Variants in SDK1 observed in about 807,000 individuals in gnomAD.
SDK1 encodes the protein protein sidekick-1.
Under a neutral mutation model 245.5 loss-of-function variants are expected in SDK1, and 157 were observed. The observed-to-expected ratio is 0.64, with a 90% CI of 0.56 to 0.73. SDK1 has a LOEUF of 0.73. SDK1 is among the 30% of genes least tolerant of loss of function. The pLI is 0.00. For synonymous variants in SDK1, 1,647 were observed against 1,278.5 expected (o/e 1.29, Z -6.15); for missense variants, 3,583 against 3,002.3 (o/e 1.19, Z -4.52).
chr7:3,384,820 A>G (rs1781570771), intron 1 of SDK1, among the ~76,000 whole-genome samples: 1 of 152,194 alleles, frequency 6.6e-6, no homozygotes, highest in African/African-American at 2.4e-5. Flanking sequence ...GTACACACAT[A>G]TATGTATGCT....
intron 22 of SDK1, among the ~76,000 whole-genome samples, chr7:4,109,138 G>T (rs888627810): frequency 6.6e-6 from 1 of 152,174 alleles, no homozygotes; most frequent in Non-Finnish European, 1.5e-5. Context: ...GTGCCTGCAG[G>T]TATCTGTTAA....
intron 4 of SDK1, among the ~76,000 whole-genome samples, chr7:3,816,004 A>T (rs1198938722): frequency 7.0e-6 from 1 of 143,536 alleles, no homozygotes; most frequent in African/African-American, 2.8e-5. Context: ...TACTGGGTAC[A>T]TAACGAAATG....
At chr7:3,324,984 A>T (rs752824853) in intron 1 of SDK1, among the ~76,000 whole-genome samples, 1 of 152,138 alleles carries the variant, frequency 6.6e-6, no homozygotes, top group Non-Finnish European at 1.5e-5. Flanking sequence ...CAAGCCACAT[A>T]TAGTGTGGTA....
In SDK1 at chr7:3,401,783, A is replaced by G. The variant is rs187052919; in HGVS notation, c.298+99899A>G. Among the ~76,000 whole-genome samples, 9 of 152,234 alleles carry G rather than the reference A, an allele frequency of 5.9e-5. No individual in the cohort carries two copies. In the East Asian group the frequency reaches 1.4e-3, roughly 23 times the overall value. On this transcript the variant is annotated intron_variant, in intron 1 of 44. Transcript: ENST00000404826. ...GTATGAATTACCCCTTAATTTTTCA[A>G]ATACTTAAACTGTTAACATCTGAAT...
intron 1 of SDK1, among the ~76,000 whole-genome samples, chr7:3,348,333 A>G (rs1258620296): frequency 2.0e-5 from 3 of 152,228 alleles, no homozygotes; most frequent in Admixed American, 6.5e-5. Context: ...GTAAGTGTGC[A>G]GTAAATGTGA....
At chr7:4,175,325 G>C (rs567980351) in intron 33 of SDK1, among the ~76,000 whole-genome samples, 136 of 152,362 alleles carry the variant, frequency 8.9e-4, no homozygotes, top group Non-Finnish European at 1.7e-3. Context: ...AAACAGCACA[G>C]TAGAAGGGCC....
chr7:4,038,748 G>A (rs576063347), intron 17 of SDK1, among the ~76,000 whole-genome samples: 1 of 152,312 alleles, frequency 6.6e-6, no homozygotes, highest in East Asian at 1.9e-4. Context: ...GTCTGACACA[G>A]TTGTGGTCCA....
chr7:4,158,897 A>G (rs1283427342), intron 31 of SDK1, among the ~76,000 whole-genome samples: 1 of 152,148 alleles, frequency 6.6e-6, no homozygotes, highest in African/African-American at 2.4e-5. Context: ...TTCACGAGCC[A>G]CTCTTTGACA....
chr7:4,186,637 G>A (rs1317813535), intron 35 of SDK1, among the ~76,000 whole-genome samples: 2 of 152,154 alleles, frequency 1.3e-5, no homozygotes, highest in East Asian at 3.9e-4. Flanking sequence ...CTGGGTTGGG[G>A]TGAATCAGGA....
chr7:3,392,242 T>G (rs1304258872), intron 1 of SDK1, among the ~76,000 whole-genome samples: 1 of 152,088 alleles, frequency 6.6e-6, no homozygotes, highest in Non-Finnish European at 1.5e-5. Flanking sequence ...AAATTCCACT[T>G]GTGACCAATG....
chr7:3,479,516 A>G (rs776436399), intron 1 of SDK1, among the ~76,000 whole-genome samples: 54 of 151,996 alleles, frequency 3.6e-4, no homozygotes, highest in Non-Finnish European at 6.2e-4. Flanking sequence ...TAAATTGTCA[A>G]TATATTTAAT....
intron 1 of SDK1, among the ~76,000 whole-genome samples, chr7:3,514,893 C>G (rs891865882): frequency 6.6e-6 from 1 of 152,216 alleles, no homozygotes; most frequent in Admixed American, 6.5e-5. Context: ...CTCTCTCTCT[C>G]TTTCTCTCTT....
intron 14 of SDK1, 128 bp downstream of exon 14, chr7:3,987,450 G>A (rs1041118667): frequency 1.0e-6 from 1 of 979,258 alleles, no homozygotes; most frequent in South Asian, 1.6e-5. Flanking sequence ...GCTTTACAGG[G>A]TTTCAAACAC....
chr7:4,038,862 T>G (rs1788399848), intron 17 of SDK1, among the ~76,000 whole-genome samples: 1 of 152,228 alleles, frequency 6.6e-6, no homozygotes, highest in South Asian at 2.1e-4. Flanking sequence ...GCTGGCATAA[T>G]TTGCCTGATG....
chr7:3,779,531 C>A (rs905389497), intron 4 of SDK1, among the ~76,000 whole-genome samples: 1 of 151,742 alleles, frequency 6.6e-6, no homozygotes, highest in Non-Finnish European at 1.5e-5. Flanking sequence ...ATTGGAAAAC[C>A]GTTTTCATAT....
chr7:4,099,160 C>A (rs542001191), intron 22 of SDK1, among the ~76,000 whole-genome samples: 4 of 152,024 alleles, frequency 2.6e-5, no homozygotes, highest in Admixed American at 6.6e-5. Context: ...ACATTCCAGG[C>A]ACAGAGAAGA....
chr7:3,509,327 C>T (rs565839617), intron 1 of SDK1, among the ~76,000 whole-genome samples: 5 of 152,168 alleles, frequency 3.3e-5, no homozygotes, highest in South Asian at 2.1e-4. Flanking sequence ...ATCCTGGAGC[C>T]GGAGCTGCTT....
chr7:3,850,276 T>C (rs1278356707), intron 5 of SDK1, among the ~76,000 whole-genome samples: 1 of 152,236 alleles, frequency 6.6e-6, no homozygotes, highest in African/African-American at 2.4e-5. Flanking sequence ...CAATGCTATG[T>C]ATCTCATGAG....
At chr7:3,310,270 G>C (rs905689547) in intron 1 of SDK1, among the ~76,000 whole-genome samples, 2 of 152,188 alleles carry the variant, frequency 1.3e-5, no homozygotes, top group Non-Finnish European at 2.9e-5. Context: ...GAAATGATCA[G>C]ATTTGTATTT....
Sources: allele counts gnomAD v4.1 joint callset (sites outside exome capture counted in the v4.1 genomes callset), GRCh38; gene constraint gnomAD v4.1.1; transcripts MANE v1.5; gene names NCBI Gene and HGNC (gene_info 2026-07-23, HGNC 2026-07-21).